GBF1: variants seen among roughly 807,000 people sequenced by gnomAD.
GBF1 encodes Golgi-specific brefeldin A-resistance guanine nucleotide exchange factor 1.
Under a neutral mutation model 210.5 loss-of-function variants are expected in GBF1, and 114 were observed. That is an observed-to-expected ratio of 0.54 (90% CI 0.47 to 0.63). The LOEUF (loss-of-function observed/expected upper bound fraction) is 0.63. GBF1 is among the 30% of genes least tolerant of loss of function. The pLI is 0.00. For synonymous variants in GBF1, 850 were observed against 889.2 expected (o/e 0.96, Z 0.78); for missense variants, 1,851 against 2,357.7 (o/e 0.79, Z 4.45).
rs2072846127 is a variant in GBF1 at position 102,259,027 on chromosome 10, C to T, written c.89C>T (p.Thr30Ile). 2 of 1,535,998 alleles carry T rather than the reference C, an allele frequency of 1.3e-6. No individual in the cohort carries two copies. The highest frequency in any genetic ancestry group is 1.8e-6 in the Non-Finnish European group (2 of 1,108,760). Residue 30 changes from threonine to isoleucine, a missense_variant, in exon 2 of 40, where the codon ACA (threonine) becomes ATA (isoleucine). Transcript: ENST00000369983. The stretch of plus-strand genomic sequence containing the variant: ...CGAAATGCCCGATGGAGCACCCATA[C>T]ACCACTGGTAAGTGGGAAATGGATA... Reference protein sequence around the residue: ...IKRNARWSTHTPLDEERDPLL... With the variant: ...IKRNARWSTHIPLDEERDPLL...
At chr10:102,336,681 A>G (rs2057766964) in intron 3 of GBF1, among the ~76,000 whole-genome samples, 1 of 152,222 alleles carries the variant, frequency 6.6e-6, no homozygotes, top group African/African-American at 2.4e-5. Context: ...ACGAAAGCCC[A>G]TGATTCTACC....
chr10:102,349,666 T>C (rs1217872049), intron 4 of GBF1, among the ~76,000 whole-genome samples: 1 of 152,222 alleles, frequency 6.6e-6, no homozygotes. Flanking sequence ...AGCTTTTTCA[T>C]ATGCCTGCCC....
chr10:102,306,569 G>A (rs940416199), intron 3 of GBF1, among the ~76,000 whole-genome samples: 2 of 152,130 alleles, frequency 1.3e-5, no homozygotes, highest in Non-Finnish European at 2.9e-5. Flanking sequence ...GATTACAGGC[G>A]CCTGACACCA....
At chr10:102,335,302 T>G (rs2057651334) in intron 3 of GBF1, among the ~76,000 whole-genome samples, 1 of 152,174 alleles carries the variant, frequency 6.6e-6, no homozygotes, top group Non-Finnish European at 1.5e-5. Flanking sequence ...CTACCTAATC[T>G]GCACTCTGTG....
Position 102,370,762 on chromosome 10 carries a change from G to A in GBF1, c.3562G>A (p.Val1188Ile), listed in dbSNP as rs1302579114. Reference sequence around the variant, plus strand: ...TCGAGACCATCTATACCACCTCTGTGTTCAGGCACAAGATTTCTGCTTCCT... The same window carrying A: ...TCGAGACCATCTATACCACCTCTGTATTCAGGCACAAGATTTCTGCTTCCT... ...TVRDHLYHLC[V>I]QAQDFCFLVE... The change falls in exon 29 of 40, where the codon GTT (valine) becomes ATT (isoleucine). Residue 1188 changes from valine (V) to isoleucine (I), a missense_variant. Coordinates refer to ENST00000369983, the MANE Select transcript of GBF1 (RefSeq NM_001377137.1). The A allele has an allele frequency of 1.2e-6, 2 of 1,614,080 alleles. No homozygotes were observed. The highest frequency in any genetic ancestry group is 2.2e-5 in the South Asian group (2 of 91,082).
intron 33 of GBF1, 127 bp from the exon 34 acceptor site, chr10:102,379,157 G>T: frequency 1.3e-6 from 1 of 783,714 alleles, no homozygotes; most frequent in South Asian, 1.8e-5. Flanking sequence ...GTAGCGAGGG[G>T]GTGAGGTATG....
At chr10:102,264,263 T>C (rs762170982) in intron 3 of GBF1, among the ~76,000 whole-genome samples, 7 of 152,222 alleles carry the variant, frequency 4.6e-5, no homozygotes, top group Non-Finnish European at 1.0e-4. Flanking sequence ...CTGTAGTCAC[T>C]GCTGTGCTTT....
the GBF1 span, among the ~76,000 whole-genome samples, chr10:102,238,866 G>C: frequency 6.6e-6 from 1 of 152,122 alleles, no homozygotes; most frequent in African/African-American, 2.4e-5. Context: ...GACATGTGCT[G>C]ATCCTTCCAA....
Position 102,376,252 on chromosome 10 carries a change from C to T in GBF1, c.3887-20C>T. 2 of 1,610,772 alleles carry T rather than the reference C, an allele frequency of 1.2e-6. No individual in the cohort carries two copies. Among genetic ancestry groups the T allele is most frequent in the Non-Finnish European group, 1.7e-6 (2 of 1,177,204 alleles). ...GCCCCATCCCCACCCTGACTCTGCC[C>T]TTCTCCCTGCCTACCATAGGGGCCC... is the stretch of plus-strand genomic sequence containing the variant. On this transcript the variant is annotated intron_variant, in intron 30 of 39. Coordinates refer to ENST00000369983, the MANE Select transcript of GBF1 (RefSeq NM_001377137.1).
At chr10:102,303,610 A>G (rs772012) in intron 3 of GBF1, among the ~76,000 whole-genome samples, 51,891 of 152,078 alleles carry the variant, frequency 0.34, 9,242 homozygotes, top group South Asian at 0.48. Context: ...TAAGGATTAC[A>G]GTGTCTGTAA....
At chr10:102,367,699 C>A in intron 21 of GBF1, 139 bp downstream of exon 21, 1 of 657,786 alleles carries the variant, frequency 1.5e-6, no homozygotes, top group South Asian at 1.7e-5. Context: ...GGGCAGCCCC[C>A]TCTCTGCCAA....
intron 3 of GBF1, among the ~76,000 whole-genome samples, chr10:102,307,652 G>T (rs140977519): frequency 6.6e-6 from 1 of 152,066 alleles, no homozygotes; most frequent in African/African-American, 2.4e-5. Context: ...TTAGCCGGGC[G>T]TGGTGGCGGG....
At chr10:102,380,762 C>T (rs1311285828) in intron 38 of GBF1, 76 bp downstream of exon 38, 1 of 1,237,676 alleles carries the variant, frequency 8.1e-7, no homozygotes, top group Non-Finnish European at 1.1e-6. Context: ...AATCCCAGCA[C>T]TTTGAGAGGC....
At chr10:102,250,383 A>G (rs1382236231) in intron 1 of GBF1, among the ~76,000 whole-genome samples, 2 of 152,028 alleles carry the variant, frequency 1.3e-5, no homozygotes, top group Admixed American at 1.3e-4. Context: ...TTTTGTAGAC[A>G]CAGGATTTTA....
Position 102,379,534 on chromosome 10 carries a change from G to A in GBF1, c.4659G>A (p.Leu1553=), listed in dbSNP as rs1209643276. 1 of 1,614,044 alleles carries A rather than the reference G, an allele frequency of 6.2e-7. No homozygotes were observed. Among genetic ancestry groups the A allele is most frequent in the Non-Finnish European group, 8.5e-7 (1 of 1,180,020 alleles). The change falls in exon 35 of 40, where the codon CTG becomes CTA. Residue 1553 remains leucine (L), a synonymous_variant. Transcript: ENST00000369983. ...TCTTGCTCTCAGGTATTGCCTGCCTGTGCTGCGATGCCCGGCGCCAGGTAC... is the reference window on the plus strand; with the variant it reads ...TCTTGCTCTCAGGTATTGCCTGCCTATGCTGCGATGCCCGGCGCCAGGTAC... ...WCPLLQGIAC[L]CCDARRQVRM...
At chr10:102,294,000 G>C (rs1324331105) in intron 3 of GBF1, among the ~76,000 whole-genome samples, 1 of 151,344 alleles carries the variant, frequency 6.6e-6, no homozygotes, top group African/African-American at 2.4e-5. Flanking sequence ...GGATGGTCTC[G>C]ATCTCCTGAC....
At chr10:102,361,386 T>TACTCTGCA (rs1371367726) in intron 13 of GBF1, among the ~76,000 whole-genome samples, 3 of 152,200 alleles carry the variant, frequency 2.0e-5, no homozygotes, top group African/African-American at 4.8e-5. Context: ...GCCCAGCAGT[T>TACTCTGCA]ACTCTGCAAC....
upstream of GBF1, among the ~76,000 whole-genome samples, chr10:102,243,781 G>A (rs1341574036): frequency 6.6e-6 from 1 of 152,192 alleles, no homozygotes; most frequent in Non-Finnish European, 1.5e-5. Context: ...CAATGTGCAG[G>A]TGTAGGAAGT....
intron 3 of GBF1, among the ~76,000 whole-genome samples, chr10:102,291,713 C>G (rs1196653084): frequency 6.6e-6 from 1 of 152,104 alleles, no homozygotes; most frequent in Non-Finnish European, 1.5e-5. Context: ...AAAGGCCTTG[C>G]CTGTATCCCT....
Sources: allele counts gnomAD v4.1 joint callset (sites outside exome capture counted in the v4.1 genomes callset), GRCh38; gene constraint gnomAD v4.1.1; transcripts MANE v1.5; gene names NCBI Gene and HGNC (gene_info 2026-07-23, HGNC 2026-07-21).